OTOGL: variants seen among roughly 807,000 people sequenced by gnomAD.
The protein encoded by OTOGL is otogelin-like protein.
OTOGL carries 285 observed loss-of-function variants against 318.5 expected under a neutral mutation model. That is an observed-to-expected ratio of 0.89 (90% confidence interval 0.81 to 0.99). The LOEUF (loss-of-function observed/expected upper bound fraction) is 0.99, where lower values mean the gene tolerates loss of function less well. Ranked by LOEUF, OTOGL falls within the 50% of genes least tolerant of loss-of-function variation. The probability of loss-of-function intolerance (pLI) is 0.00; values close to 1 mark genes in which losing one functional copy is unlikely to be tolerated. For synonymous variants in OTOGL, 987 were observed against 936.5 expected (o/e 1.05, Z -0.99); for missense variants, 2,899 against 2,845.6 (o/e 1.02, Z -0.43).
At chr12:80,152,024 AGT>A (rs899703575) in intron 1 of OTOGL, among the ~76,000 whole-genome samples, 5 of 152,304 alleles carry the variant, frequency 3.3e-5, no homozygotes, top group African/African-American at 1.2e-4. Context: ...CCCAAATTTA[AGT>A]TATGATAGAT....
intron 27 of OTOGL, among the ~76,000 whole-genome samples, chr12:80,300,853 G>A (rs1022086185): frequency 1.3e-5 from 2 of 152,170 alleles, no homozygotes; most frequent in Admixed American, 1.3e-4. Flanking sequence ...AACAGAAAGA[G>A]AGCCAGCATA....
chr12:80,103,524 G>A (rs1017158476), intron 1 of OTOGL, among the ~76,000 whole-genome samples: 2 of 152,022 alleles, frequency 1.3e-5, no homozygotes, highest in African/African-American at 4.8e-5. Flanking sequence ...TGGCTAAATT[G>A]GATCTGTTAT....
intron 1 of OTOGL, among the ~76,000 whole-genome samples, chr12:80,150,762 T>G (rs945705868): frequency 6.6e-6 from 1 of 152,172 alleles, no homozygotes; most frequent in Admixed American, 6.5e-5. Context: ...TTTTATATAA[T>G]TGATGGTAGT....
At chr12:80,270,184 G>C (rs1433805707) in intron 23 of OTOGL, 30 bp downstream of exon 23, 1 of 1,556,594 alleles carries the variant, frequency 6.4e-7, no homozygotes, top group Admixed American at 1.7e-5. Flanking sequence ...TTTCCTGAAT[G>C]AGGGTTCAGC....
intron 1 of OTOGL, among the ~76,000 whole-genome samples, chr12:80,207,288 G>A (rs1486058649): frequency 2.0e-5 from 3 of 152,064 alleles, no homozygotes; most frequent in East Asian, 1.9e-4. Flanking sequence ...CACAAGCTCC[G>A]CCTCCCAGGT....
rs1204712597 is a variant in OTOGL at position 80,336,048 on chromosome 12, G to A, written c.4508G>A (p.Cys1503Tyr). 1.9e-6 allele frequency: 3 copies of A among 1,598,728 alleles called. No individual in the cohort carries two copies. Among genetic ancestry groups the A allele is most frequent in the South Asian group, 1.1e-5 (1 of 91,044 alleles). The change falls in exon 39 of 59, where the codon TGC becomes TAC. Residue 1503 changes from cysteine to tyrosine, a missense_variant. This residue lies in a region of OTOGL where 2,607 missense variants were observed against 2,524.9 expected (regional missense o/e 1.03). Coordinates refer to ENST00000547103, the MANE Select transcript of OTOGL (RefSeq NM_001378609.3). Reference protein sequence around the residue: ...EWQLYNWSLNCPKDVEMPDCG... With the variant: ...EWQLYNWSLNYPKDVEMPDCG... ...CAGTTATACAACTGGTCCCTTAATTGCCCAAAGGACGTGGAAATGCCTGAC... is the reference window on the plus strand; with the variant it reads ...CAGTTATACAACTGGTCCCTTAATTACCCAAAGGACGTGGAAATGCCTGAC...
chr12:80,311,328 T>G (rs1011469519), intron 30 of OTOGL, among the ~76,000 whole-genome samples: 2 of 152,202 alleles, frequency 1.3e-5, no homozygotes, highest in Non-Finnish European at 2.9e-5. Context: ...TGAGCTAAGA[T>G]GTTGTTTTTC....
At chr12:80,138,141 A>G (rs144029143) in intron 1 of OTOGL, among the ~76,000 whole-genome samples, 63 of 152,274 alleles carry the variant, frequency 4.1e-4, no homozygotes, top group African/African-American at 1.4e-3. Flanking sequence ...TAGCTTTTGA[A>G]TCAGAATGAA....
intron 26 of OTOGL, among the ~76,000 whole-genome samples, chr12:80,284,776 T>C (rs1300089586): frequency 6.6e-6 from 1 of 152,212 alleles, no homozygotes; most frequent in South Asian, 2.1e-4. Context: ...ATTCTGGATA[T>C]TAGACCTTTG....
intron 1 of OTOGL, among the ~76,000 whole-genome samples, chr12:80,121,357 C>T (rs1164240507): frequency 4.6e-5 from 7 of 152,084 alleles, no homozygotes. Context: ...TCAAGCAGAC[C>T]GTTGCCTCCT....
rs1476148615 is a variant in OTOGL at position 80,378,304 on chromosome 12, C to A, written c.*256C>A. ...TGAAATGCTGTTATGTATTTAATTACAACTTGGTGCAGATACAGTATATTC... is the reference window on the plus strand; with the variant it reads ...TGAAATGCTGTTATGTATTTAATTAAAACTTGGTGCAGATACAGTATATTC... On this transcript the variant is annotated 3_prime_UTR_variant, in exon 59 of 59. Transcript: ENST00000547103. 1 of 353,846 alleles carries A rather than the reference C, an allele frequency of 2.8e-6. No individual in the cohort carries two copies. The highest frequency in any genetic ancestry group is 5.1e-6 in the Non-Finnish European group (1 of 194,184). 21.9% of individuals were successfully genotyped at this position (353,846 alleles called of 1,614,324 possible). A position where few individuals can be genotyped will look rare whatever the true frequency, so the allele number is the denominator to read the frequency against.
chr12:80,204,187 A>G (rs571265801), intron 1 of OTOGL, among the ~76,000 whole-genome samples: 1 of 152,302 alleles, frequency 6.6e-6, no homozygotes, highest in East Asian at 1.9e-4. Context: ...AACGAAGGGC[A>G]TAATTCCTTC....
intron 21 of OTOGL, 111 bp downstream of exon 21, chr12:80,266,727 C>CTTT: frequency 1.1e-6 from 1 of 937,008 alleles, no homozygotes; most frequent in Non-Finnish European, 1.5e-6. Flanking sequence ...ATTGTCTTTA[C>CTTT]TTTTTTTTTT....
chr12:80,372,994 A>G (rs926637513), intron 57 of OTOGL, among the ~76,000 whole-genome samples: 25 of 152,114 alleles, frequency 1.6e-4, no homozygotes, highest in African/African-American at 5.6e-4. Context: ...AATTTTAAGG[A>G]CTGAAATAGA....
chr12:80,116,017 A>T (rs1447613396), intron 1 of OTOGL, among the ~76,000 whole-genome samples: 1 of 151,946 alleles, frequency 6.6e-6, no homozygotes, highest in Non-Finnish European at 1.5e-5. Flanking sequence ...CGAGAAGACC[A>T]CTTGGTTCCC....
chr12:80,321,940 G>T (rs1436658383), intron 34 of OTOGL, among the ~76,000 whole-genome samples: 2 of 152,168 alleles, frequency 1.3e-5, no homozygotes, highest in African/African-American at 4.8e-5. Context: ...GTCTGCACAT[G>T]CTCCAGGTTG....
In OTOGL at chr12:80,336,995, G is replaced by C. The variant is rs763919428; in HGVS notation, c.4851G>C (p.Leu1617Phe). 2 of 1,574,358 alleles carry C rather than the reference G, an allele frequency of 1.3e-6. No homozygotes were observed. Among genetic ancestry groups the C allele is most frequent in the African/African-American group, 2.7e-5 (2 of 73,988 alleles). Reference sequence around the variant, plus strand: ...TACATAAAATAATTGTCAATCGGTTGGCAAGAAAGGTAAGAATACAAAGTT... The same window carrying C: ...TACATAAAATAATTGTCAATCGGTTCGCAAGAAAGGTAAGAATACAAAGTT... ...TPIHKIIVNR[L>F]ARKVEVDSIV... The change falls in exon 42 of 59, where the codon TTG (leucine) becomes TTC (phenylalanine). Residue 1617 changes from leucine to phenylalanine, a missense_variant. By Grantham distance (22) the Leu-to-Phe change is conservative (BLOSUM62 0). Coordinates refer to ENST00000547103, the MANE Select transcript of OTOGL (RefSeq NM_001378609.3).
chr12:80,150,476 C>T (rs1299598368), intron 1 of OTOGL, among the ~76,000 whole-genome samples: 7 of 152,172 alleles, frequency 4.6e-5, no homozygotes, highest in South Asian at 2.1e-4. Context: ...ACTCATCCAT[C>T]GCATTTATCT....
At chr12:80,146,056 T>G (rs1456912116) in intron 1 of OTOGL, among the ~76,000 whole-genome samples, 1 of 151,002 alleles carries the variant, frequency 6.6e-6, no homozygotes, top group Non-Finnish European at 1.5e-5. Flanking sequence ...TATTTCCTTC[T>G]CCTGCCTAAT....
Sources: gnomAD v4.1 joint callset for allele counts (sites outside exome capture counted in the v4.1 genomes callset) on GRCh38, gnomAD v4.1.1 for gene constraint, gnomAD v4.1.1 regional missense constraint, MANE v1.5 for transcripts, NCBI Gene and HGNC (gene_info 2026-07-23, HGNC 2026-07-21) for gene names.